The following TCOF1 variants were observed in gnomAD, a reference collection of about 807,000 sequenced individuals.
TCOF1 encodes treacle protein.
TCOF1 carries 33 observed loss-of-function variants against 149.0 expected under a neutral mutation model. The observed-to-expected ratio is 0.22, with a 90% confidence interval of 0.17 to 0.30. The LOEUF is 0.30. Among genes scored for constraint, TCOF1 ranks in the 10% least tolerant of loss-of-function variants. The pLI, the probability that TCOF1 is intolerant of heterozygous loss-of-function variation, is 1.00. For synonymous variants in TCOF1, 789 were observed against 738.8 expected, an observed-to-expected ratio of 1.07 and a Z score of -1.10; for missense variants, 1,728 against 1,840.7, an observed-to-expected ratio of 0.94 and a Z score of 1.12.
At chr5:150,397,151 GT>G (rs1230405722) in intron 24 of TCOF1, among the ~76,000 whole-genome samples, 3 of 15,772 alleles carry the variant, frequency 1.9e-4, no homozygotes, top group Admixed American at 9.1e-4. Context: ...GAGCAAGACT[GT>G]CAAAAAAAAA....
chr5:150,385,190 C>A, intron 17 of TCOF1: 1 of 696,912 alleles, frequency 1.4e-6, no homozygotes, highest in Non-Finnish European at 1.8e-6. Flanking sequence ...TTAAGGCCAA[C>A]TTCTTCTATT....
At position 150,368,717 on chromosome 5, in the gene TCOF1, C is replaced by G; in HGVS notation, c.380C>G (p.Ala127Gly). The G allele has an allele frequency of 6.2e-7, 1 of 1,613,946 alleles. No individual in the cohort carries two copies. The highest frequency in any genetic ancestry group is 8.5e-7 in the Non-Finnish European group (1 of 1,179,970). ...GTCTGTCACTCTTGTTCTCTGTAGG[C>G]AGAGACAGAGAAAGCTGGCAAGACT... ...LPSSMKEKAKAETEKAGKTGN... is the reference protein window; with the variant it reads ...LPSSMKEKAKGETEKAGKTGN... The change falls in exon 5 of 27, where the codon GCA becomes GGA. Residue 127 changes from alanine to glycine, a missense_variant and splice_region_variant. Around this residue, in one of 2 missense-constraint regions of TCOF1, gnomAD observed 1,696 missense variants for 1,765.4 expected, o/e 0.96. Coordinates refer to ENST00000643257, the MANE Select transcript of TCOF1 (RefSeq NM_001371623.1).
intron 17 of TCOF1, chr5:150,383,748 C>A: frequency 6.4e-7 from 1 of 1,551,878 alleles, no homozygotes; most frequent in South Asian, 1.2e-5. Context: ...GACCAGGAGT[C>A]TTCTTGAATC....
intron 22 of TCOF1, 142 bp downstream of exon 22, chr5:150,392,932 C>A: frequency 9.7e-7 from 1 of 1,027,164 alleles, no homozygotes; most frequent in Non-Finnish European, 1.5e-6. Context: ...GTCTGCAAGG[C>A]ACCACGTGTG....
rs200510558 is a variant in TCOF1, at chr5:150,392,655, G to A, written c.3518-50G>A. On this transcript the variant is annotated intron_variant, in intron 21 of 26. Transcript: ENST00000643257. ...CTTCCTGAAGGGCTCTGCCCTTCCC[G>A]GCTGGCAGGGGCCACCTGGGGCTAC... 164 of 1,602,056 alleles carry A rather than the reference G, an allele frequency of 1.0e-4. No homozygotes were observed. Among genetic ancestry groups the A allele is most frequent in the Admixed American group, 1.8e-4 (11 of 59,856 alleles).
At chr5:150,390,639 C>T (rs1372863082) in intron 19 of TCOF1, among the ~76,000 whole-genome samples, 3 of 151,812 alleles carry the variant, frequency 2.0e-5, no homozygotes, top group Admixed American at 2.0e-4. Context: ...CACACTCTGA[C>T]CTCTCTTCCT....
intron 12 of TCOF1, 45 bp from the exon 13 acceptor site, chr5:150,376,037 C>T (rs767533440): frequency 1.5e-5 from 25 of 1,613,160 alleles, no homozygotes; most frequent in Non-Finnish European, 2.0e-5. Context: ...ATGGGGGACT[C>T]TGAGTTCAGG....
At chr5:150,374,861 A>G in intron 9 of TCOF1, 50 bp downstream of exon 9, 1 of 1,607,834 alleles carries the variant, frequency 6.2e-7, no homozygotes, top group Non-Finnish European at 8.5e-7. Flanking sequence ...AAACCCCAGC[A>G]CCTGCATGGG....
intron 17 of TCOF1, among the ~76,000 whole-genome samples, chr5:150,385,964 A>T (rs1207225019): frequency 2.0e-5 from 3 of 152,198 alleles, no homozygotes; most frequent in Non-Finnish European, 4.4e-5. Context: ...GAATGAGCCC[A>T]GGCTGGGATA....
intron 21 of TCOF1, 79 bp from the exon 22 acceptor site, chr5:150,392,626 G>A: frequency 6.9e-7 from 1 of 1,442,348 alleles, no homozygotes; most frequent in Non-Finnish European, 9.6e-7. Context: ...AGAGAGACCA[G>A]GGCCTTCCTG....
chr5:150,381,925 G>A (rs955136590), intron 17 of TCOF1, among the ~76,000 whole-genome samples: 11 of 152,210 alleles, frequency 7.2e-5, no homozygotes, highest in African/African-American at 2.7e-4. Context: ...GCCAGGCACG[G>A]TGGCTCACAC....
At position 150,384,321 on chromosome 5, in the gene TCOF1, C is replaced by G. The variant is rs371584237; in HGVS notation, c.2860-3581C>G. On this transcript the variant is annotated intron_variant, in intron 17 of 26. Transcript: ENST00000643257. ...ACAACAGCCCTATGAGGGTGGCTCCCTTTGTTGTTTGCATTTTAAGGAACT... is the reference window on the plus strand; with the variant it reads ...ACAACAGCCCTATGAGGGTGGCTCCGTTTGTTGTTTGCATTTTAAGGAACT... The G allele has an allele frequency of 5.1e-6, 5 of 986,522 alleles. No individual in the cohort carries two copies. In the East Asian group the frequency reaches 3.4e-4, roughly 67 times the overall value. 61.1% of individuals were successfully genotyped at this position (986,522 alleles called of 1,614,324 possible).
chr5:150,364,044 C>T (rs1760745426), intron 2 of TCOF1, 69 bp from the exon 3 acceptor site: 3 of 1,610,716 alleles, frequency 1.9e-6, no homozygotes, highest in Admixed American at 3.3e-5. Flanking sequence ...GCGGGAAGGT[C>T]TGTCTAGTCA....
chr5:150,375,594 C>A (rs374561595), intron 11 of TCOF1, 40 bp downstream of exon 11: 39 of 1,613,372 alleles, frequency 2.4e-5, no homozygotes, highest in Admixed American at 6.7e-5. Context: ...TTTTCCCCCC[C>A]ACTCAGAGTG....
At position 150,376,216 on chromosome 5, in the gene TCOF1, A is replaced by G; in HGVS notation, c.2028A>G (p.Ala676=). 6.2e-7 allele frequency: 1 copy of G among 1,614,226 alleles called. No homozygotes were observed. Among genetic ancestry groups the G allele is most frequent in the Non-Finnish European group, 8.5e-7 (1 of 1,180,024 alleles). The change falls in exon 13 of 27, where the codon GCA becomes GCG. Residue 676 remains alanine (A), a synonymous_variant. Coordinates refer to ENST00000643257, the MANE Select transcript of TCOF1 (RefSeq NM_001371623.1). ...PRKAGTATSP[A]GSSPAVAGGT... ...AAGCAGGAACTGCGACTTCTCCAGC[A>G]GGCTCATCCCCAGCTGTGGCTGGGG...
chr5:150,380,537 G>A (rs1014866812), intron 17 of TCOF1: 1 of 152,598 alleles, frequency 6.6e-6, no homozygotes, highest in Admixed American at 6.5e-5. Flanking sequence ...GGCTTGTCTA[G>A]CTTAGTGCAA....
chr5:150,393,136 G>A, intron 22 of TCOF1: 2 of 602,128 alleles, frequency 3.3e-6, no homozygotes, highest in Non-Finnish European at 5.9e-6. Flanking sequence ...GTATTAATAA[G>A]AAATTTCCTT....
intron 3 of TCOF1, 109 bp downstream of exon 3, chr5:150,364,361 G>A: frequency 1.3e-6 from 2 of 1,514,280 alleles, no homozygotes; most frequent in Non-Finnish European, 1.8e-6. Context: ...AGACCCTGGG[G>A]AGGAGATTGG....
intron 17 of TCOF1, among the ~76,000 whole-genome samples, chr5:150,381,019 TAAAA>T (rs200253187): frequency 6.6e-6 from 1 of 151,000 alleles, no homozygotes; most frequent in Non-Finnish European, 1.5e-5. Flanking sequence ...GTCACAAAAA[TAAAA>T]AAAAGAGATG....
Sources: gnomAD v4.1 joint callset for allele counts (sites outside exome capture counted in the v4.1 genomes callset) on GRCh38, gnomAD v4.1.1 for gene constraint, gnomAD v4.1.1 regional missense constraint, MANE v1.5 for transcripts, NCBI Gene and HGNC (gene_info 2026-07-23, HGNC 2026-07-21) for gene names.